CBLC: variants seen among roughly 807,000 people sequenced by gnomAD.
CBLC encodes the protein Cbl proto-oncogene C, also known as E3 ubiquitin-protein ligase CBL-C.
Under a neutral mutation model 58.6 loss-of-function variants are expected in CBLC, and 46 were observed. That is an observed-to-expected ratio of 0.79 (90% CI 0.62 to 1.00). CBLC has a LOEUF of 1.00. Ranked by LOEUF, CBLC falls within the 50% of genes least tolerant of loss-of-function variation. The pLI is 0.00. For synonymous variants in CBLC, 271 were observed against 264.2 expected (o/e 1.03, Z -0.25); for missense variants, 655 against 625.8 (o/e 1.05, Z -0.50).
chr19:44,782,557 C>T (rs111617296), intron 4 of CBLC, 66 bp downstream of exon 4: 21 of 1,336,666 alleles, frequency 1.6e-5, no homozygotes, highest in African/African-American at 1.2e-4. Context: ...TGGGCTGGTG[C>T]GTGGTGGAGC....
chr19:44,798,255 C>T (rs1309495257), intron 9 of CBLC, among the ~76,000 whole-genome samples: 2 of 152,008 alleles, frequency 1.3e-5, no homozygotes, highest in Admixed American at 6.6e-5. Flanking sequence ...AGAGTCTCAC[C>T]GTGTTGCCGA....
intron 6 of CBLC, among the ~76,000 whole-genome samples, chr19:44,790,395 C>T (rs543537966): frequency 2.6e-5 from 4 of 152,196 alleles, no homozygotes; most frequent in East Asian, 3.9e-4. Flanking sequence ...AGCCACCCTA[C>T]GAGTGAGAAA....
At chr19:44,786,129 C>A (rs532450956) in intron 5 of CBLC, among the ~76,000 whole-genome samples, 66 of 151,900 alleles carry the variant, frequency 4.3e-4, no homozygotes, top group Middle Eastern at 3.4e-3. Context: ...TATAAAATCA[C>A]CACACACCCT....
chr19:44,793,478 C>G lies in CBLC; in HGVS notation c.1142C>G (p.Ser381Trp). 1 of 1,606,784 alleles carries G rather than the reference C, an allele frequency of 6.2e-7. No individual in the cohort carries two copies. The highest frequency in any genetic ancestry group is 8.5e-7 in the Non-Finnish European group (1 of 1,177,084). The change falls in exon 8 of 11, where the codon TCG becomes TGG. Residue 381 changes from serine to tryptophan, a missense_variant. Coordinates refer to ENST00000647358, the MANE Select transcript of CBLC (RefSeq NM_012116.4). ...CSCCLAAWQH[S>W]DSQTCPFCRC... ...TTCCCTCCCGACCTCCCCCAGCACTCGGACAGCCAGACCTGCCCCTTCTGC... is the reference window on the plus strand; with the variant it reads ...TTCCCTCCCGACCTCCCCCAGCACTGGGACAGCCAGACCTGCCCCTTCTGC...
intron 5 of CBLC, among the ~76,000 whole-genome samples, chr19:44,784,967 T>G (rs1032635352): frequency 3.8e-4 from 43 of 112,994 alleles, no homozygotes; most frequent in East Asian, 2.9e-3. Context: ...TTTTTTTTTT[T>G]TTTTTTTTTT....
At chr19:44,784,958 T>G (rs919610602) in intron 5 of CBLC, among the ~76,000 whole-genome samples, 10 of 95,238 alleles carry the variant, frequency 1.1e-4, no homozygotes, top group African/African-American at 2.6e-4. Flanking sequence ...GTGTTTTTTT[T>G]TTTTTTTTTT....
intron 8 of CBLC, 177 bp from the exon 9 acceptor site, chr19:44,794,027 C>A: frequency 1.5e-6 from 1 of 676,796 alleles, no homozygotes; most frequent in Non-Finnish European, 1.8e-6. Context: ...TCCCCAAGGG[C>A]TGGGGCTGTG....
rs142402664 is a variant in CBLC, at chr19:44,784,256, C to A, written c.780-8C>A. 3.2e-6 allele frequency: 5 copies of A among 1,565,504 alleles called. No homozygotes were observed. In the Admixed American group the frequency reaches 8.4e-5, roughly 26 times the overall value. On this transcript the variant is annotated splice_polypyrimidine_tract_variant and splice_region_variant and intron_variant, in intron 4 of 10. Transcript: ENST00000647358. ...CCCTCACCCCATCCTACCTACCTCT[C>A]CCTCCAGTTACATCTTCCGGCCCAG...
At chr19:44,787,193 A>C (rs907001964) in intron 5 of CBLC, among the ~76,000 whole-genome samples, 33 of 152,036 alleles carry the variant, frequency 2.2e-4, no homozygotes, top group African/African-American at 7.5e-4. Flanking sequence ...GGAGATCGAG[A>C]CCATCTTGGC....
chr19:44,797,643 T>C (rs1316633567), intron 9 of CBLC, among the ~76,000 whole-genome samples: 1 of 142,152 alleles, frequency 7.0e-6, no homozygotes, highest in Non-Finnish European at 1.5e-5. Context: ...TAATCCCAGC[T>C]ACTCAGGAGG....
At position 44,790,052 on chromosome 19, in the gene CBLC, C is replaced by G; in HGVS notation, c.966C>G (p.Leu322=). ...CCCACAACCCAGACCTGACTGAGCTCGGCCAGGCAGAACCCCAGCAGCGCA... is the reference window on the plus strand; with the variant it reads ...CCCACAACCCAGACCTGACTGAGCTGGGCCAGGCAGAACCCCAGCAGCGCA... ...GKTHNPDLTE[L]GQAEPQQRIH... Residue 322 remains leucine (L), a synonymous_variant, in exon 6 of 11, where the codon CTC becomes CTG. Coordinates refer to ENST00000647358, the MANE Select transcript of CBLC (RefSeq NM_012116.4). 1 of 1,614,068 alleles carries G rather than the reference C, an allele frequency of 6.2e-7. No individual in the cohort carries two copies. The highest frequency in any genetic ancestry group is 1.1e-5 in the South Asian group (1 of 91,076).
chr19:44,789,971 GC>G (rs768531231), intron 5 of CBLC, 32 bp from the exon 6 acceptor site: 9 of 1,398,330 alleles, frequency 6.4e-6, no homozygotes, highest in Admixed American at 1.7e-5. Flanking sequence ...ATACTGGATG[GC>G]CCCCCAGTCC....
chr19:44,788,472 A>T (rs963871659), intron 5 of CBLC, among the ~76,000 whole-genome samples: 1 of 147,826 alleles, frequency 6.8e-6, no homozygotes, highest in African/African-American at 2.5e-5. Context: ...ATTTATTTTT[A>T]AAATTTCTTT....
rs186378189 is a variant in CBLC, at chr19:44,792,751, C to G, written c.1137+237C>G. 3.9e-3 allele frequency among the ~76,000 whole-genome samples: 590 copies of G among 152,288 alleles called. 4 individuals are homozygous for G. The highest frequency in any genetic ancestry group is 0.013 in the African/African-American group (536 of 41,562). ...CCGGCAATGTTATCAGTGGAAAGCT[C>G]TCCTTCCTTCTCTGCCTAGGTGATC... On this transcript the variant is annotated intron_variant, in intron 7 of 10. Coordinates refer to ENST00000647358, the MANE Select transcript of CBLC (RefSeq NM_012116.4).
intron 8 of CBLC, 115 bp downstream of exon 8, chr19:44,793,735 G>A: frequency 9.8e-7 from 1 of 1,016,850 alleles, no homozygotes; most frequent in Non-Finnish European, 1.4e-6. Context: ...GGACTCCTGG[G>A]TCTGAGGGAA....
At chr19:44,784,541 A>G in intron 5 of CBLC, 140 bp downstream of exon 5, 2 of 807,738 alleles carry the variant, frequency 2.5e-6, no homozygotes, top group Non-Finnish European at 3.6e-6. Context: ...CAGTACTACA[A>G]AATTCCAGCA....
chr19:44,784,363 CCT>C lies in CBLC; in HGVS notation c.880_881del (p.Leu294ValfsTer27), dbSNP rs746710702. 3 of 1,600,282 alleles carry C rather than the reference CCT, an allele frequency of 1.9e-6. No homozygotes were observed. Among genetic ancestry groups the C allele is most frequent in the African/African-American group, 1.3e-5 (1 of 74,896 alleles). ...ILQTIPANKPLSQVLLEGQKD... is the reference protein window; with the variant it reads ...ILQTIPANKPXSQVLLEGQKD... ...TGCAGACCATCCCTGCCAACAAACC[CCT>C]GTCCCAGGTGCTCCTGGAGGGACAG... On this transcript the variant is annotated frameshift_variant, in exon 5 of 11. Coordinates refer to ENST00000647358, the MANE Select transcript of CBLC (RefSeq NM_012116.4). LOFTEE classifies it high-confidence loss of function.
intron 5 of CBLC, among the ~76,000 whole-genome samples, chr19:44,788,479 CTTTT>C (rs1293573931): frequency 4.2e-5 from 5 of 118,580 alleles, no homozygotes; most frequent in Non-Finnish European, 1.8e-5. Flanking sequence ...TTTAAAATTT[CTTTT>C]TTTTTTTTTT....
intron 1 of CBLC, among the ~76,000 whole-genome samples, chr19:44,778,836 GAAACT>G (rs1967648462): frequency 3.8e-5 from 3 of 79,664 alleles, no homozygotes; most frequent in Non-Finnish European, 6.8e-5. Context: ...CTCAGACCCA[GAAACT>G]CAGGCCCCCA....
Sources: gnomAD v4.1 joint callset for allele counts (sites outside exome capture counted in the v4.1 genomes callset) on GRCh38, gnomAD v4.1.1 for gene constraint, MANE v1.5 for transcripts, NCBI Gene and HGNC (gene_info 2026-07-23, HGNC 2026-07-21) for gene names.